BIRC6: variants seen among roughly 807,000 people sequenced by gnomAD.
BIRC6 encodes dual E2 ubiquitin-conjugating enzyme/E3 ubiquitin-protein ligase BIRC6.
In BIRC6, 98 loss-of-function variants were observed where a neutral mutation model predicts 503.3. The ratio of observed to expected loss-of-function variants is 0.19; its 90% confidence interval spans 0.17 to 0.23. The LOEUF (loss-of-function observed/expected upper bound fraction) is 0.23, where lower values mean the gene tolerates loss of function less well. Ranked by LOEUF, BIRC6 falls within the 10% of genes least tolerant of loss-of-function variation. BIRC6 has a pLI of 1.00. For synonymous variants in BIRC6, 2,240 were observed against 2,078.7 expected (o/e 1.08, Z -2.11); for missense variants, 5,360 against 5,806.0 (o/e 0.92, Z 2.50).
intron 65 of BIRC6, among the ~76,000 whole-genome samples, chr2:32,552,171 T>A (rs575281026): frequency 6.6e-6 from 1 of 152,324 alleles, no homozygotes; most frequent in East Asian, 1.9e-4. Flanking sequence ...TGGTTTCTTA[T>A]TACTGTCCCA....
chr2:32,367,064 G>T (rs1008828232), intron 1 of BIRC6, among the ~76,000 whole-genome samples: 2 of 152,124 alleles, frequency 1.3e-5, no homozygotes, highest in African/African-American at 4.8e-5. Context: ...GATAAACTTG[G>T]GTGTAGAAGA....
Position 32,415,380 on chromosome 2 carries a change from A to C in BIRC6, c.2089A>C (p.Asn697His). The C allele has an allele frequency of 6.2e-7, 1 of 1,614,034 alleles. No homozygotes were observed. Among genetic ancestry groups the C allele is most frequent in the Non-Finnish European group, 8.5e-7 (1 of 1,179,894 alleles). ...TCAGCAATTTGCAGATGCAGCAGCC[A>C]ACCTTACCTCTCCGGATTCTGAGAA... is the stretch of plus-strand genomic sequence containing the variant. ...YIQQFADAAA[N>H]LTSPDSEKWN... The change falls in exon 10 of 74, where the codon AAC becomes CAC. Residue 697 changes from asparagine (N) to histidine (H), a missense_variant. Asn to His is a moderately conservative substitution (Grantham distance 68). This residue lies in a region of BIRC6 where 700 missense variants were observed against 739.3 expected (regional missense o/e 0.95). Coordinates refer to ENST00000421745, the MANE Select transcript of BIRC6 (RefSeq NM_016252.4).
chr2:32,380,108 G>A, intron 2 of BIRC6, 45 bp from the exon 3 acceptor site: 1 of 1,334,004 alleles, frequency 7.5e-7, no homozygotes, highest in African/African-American at 1.5e-5. Context: ...TGTTGTTCTT[G>A]TGTTGAATTT....
chr2:32,358,554 T>C (rs2033556761), intron 1 of BIRC6, among the ~76,000 whole-genome samples: 1 of 152,250 alleles, frequency 6.6e-6, no homozygotes. Context: ...TGCATAGAGA[T>C]GTAATGTATA....
intron 10 of BIRC6, among the ~76,000 whole-genome samples, chr2:32,425,729 C>T (rs2043415791): frequency 6.6e-6 from 1 of 152,210 alleles, no homozygotes; most frequent in South Asian, 2.1e-4. Flanking sequence ...CCCCTTAAAT[C>T]TTCTGGTGGC....
At chr2:32,486,134 A>G (rs2050964394) in intron 40 of BIRC6, among the ~76,000 whole-genome samples, 1 of 152,224 alleles carries the variant, frequency 6.6e-6, no homozygotes, top group Admixed American at 6.5e-5. Context: ...CATCTTTATC[A>G]TCCTTAAAGA....
chr2:32,427,473 A>G (rs2043647080), intron 10 of BIRC6, among the ~76,000 whole-genome samples: 1 of 151,948 alleles, frequency 6.6e-6, no homozygotes, highest in Admixed American at 6.5e-5. Context: ...TTTAGTAGAG[A>G]TGGGGTTTCA....
At chr2:32,462,621 A>G (rs959851030) in intron 23 of BIRC6, among the ~76,000 whole-genome samples, 7 of 152,158 alleles carry the variant, frequency 4.6e-5, no homozygotes, top group African/African-American at 1.7e-4. Context: ...GATTACTTTC[A>G]TTTTTAATGA....
chr2:32,384,736 T>C (rs2038192608), intron 3 of BIRC6, among the ~76,000 whole-genome samples: 1 of 152,206 alleles, frequency 6.6e-6, no homozygotes. Flanking sequence ...TTTTTGGGCC[T>C]GTGCATAGCC....
chr2:32,464,485 A>G, intron 24 of BIRC6, 24 bp from the exon 25 acceptor site: 4 of 1,542,248 alleles, frequency 2.6e-6, no homozygotes, highest in Non-Finnish European at 3.5e-6. Context: ...TAGTCTATAT[A>G]TGTTGCTTTT....
rs1280089309 is a variant in BIRC6 at position 32,471,113 on chromosome 2, A to T, written c.6581A>T (p.Lys2194Ile). 3.8e-6 allele frequency: 6 copies of T among 1,569,816 alleles called. No homozygotes were observed. The highest frequency in any genetic ancestry group is 8.7e-7 in the Non-Finnish European group (1 of 1,155,380). The stretch of plus-strand genomic sequence containing the variant: ...GAAGATGAAGCAGCAGCTGCAAAGA[A>T]ACCTTTGAATGGTAAAGACAGGGAG... ...TVEDEAAAAK[K>I]PLNGNQWSFI... is the part of the protein sequence containing the mutation. The change falls in exon 32 of 74, where the codon AAA becomes ATA. Residue 2194 changes from lysine (K) to isoleucine (I), a missense_variant. Around this residue, in one of 16 missense-constraint regions of BIRC6, gnomAD observed 2,299 missense variants for 2,267.2 expected, o/e 1.01. Coordinates refer to ENST00000421745, the MANE Select transcript of BIRC6 (RefSeq NM_016252.4).
intron 65 of BIRC6, among the ~76,000 whole-genome samples, chr2:32,555,825 C>T (rs184471263): frequency 8.5e-4 from 123 of 145,354 alleles, no homozygotes; most frequent in Non-Finnish European, 3.4e-4. Context: ...CCCAACTACT[C>T]GGGAAGTGGG....
chr2:32,416,964 T>C (rs779670419), intron 10 of BIRC6, among the ~76,000 whole-genome samples: 4 of 151,804 alleles, frequency 2.6e-5, no homozygotes, highest in Non-Finnish European at 5.9e-5. Context: ...GCCTCCCAAG[T>C]AGCTGGGATT....
rs1553425826 is a variant in BIRC6 at position 32,436,051 on chromosome 2, A to T, written c.3500-2A>T. 7.2e-7 allele frequency: 1 copy of T among 1,384,296 alleles called. No individual in the cohort carries two copies. The highest frequency in any genetic ancestry group is 1.5e-5 in the African/African-American group (1 of 68,444). 85.8% of individuals were successfully genotyped at this position (1,384,296 alleles called of 1,614,324 possible). A position where few individuals can be genotyped will look rare whatever the true frequency, so the allele number is the denominator to read the frequency against. ...AAGAAAAATATGTATTTTTCTTTTTAGGTCTTAGATTATGTCCATTTTTGG... is the reference window on the plus strand; with the variant it reads ...AAGAAAAATATGTATTTTTCTTTTTTGGTCTTAGATTATGTCCATTTTTGG... On this transcript the variant is annotated splice_acceptor_variant, in intron 14 of 73. Coordinates refer to ENST00000421745, the MANE Select transcript of BIRC6 (RefSeq NM_016252.4). LOFTEE classifies it high-confidence loss of function.
intron 10 of BIRC6, 39 bp from the exon 11 acceptor site, chr2:32,429,107 C>G: frequency 6.6e-7 from 1 of 1,509,650 alleles, no homozygotes; most frequent in African/African-American, 1.4e-5. Flanking sequence ...TGAATGTTTA[C>G]CTATTTTTCA....
chr2:32,562,166 G>T (rs1180111726), intron 65 of BIRC6, among the ~76,000 whole-genome samples: 1 of 152,114 alleles, frequency 6.6e-6, no homozygotes, highest in African/African-American at 2.4e-5. Flanking sequence ...TAGCATGCTA[G>T]ACTGTCTTCA....
In BIRC6 at chr2:32,380,237, G is replaced by C; in HGVS notation, c.592G>C (p.Asp198His). The change falls in exon 3 of 74, where the codon GAT (aspartate) becomes CAT (histidine). Residue 198 changes from aspartate (D) to histidine (H), a missense_variant. Physicochemically the swap from Asp to His is moderately conservative, Grantham distance 81 (BLOSUM62 -1). This residue lies in a region of BIRC6 where 134 missense variants were observed against 150.9 expected (regional missense o/e 0.89). Transcript: ENST00000421745. ...TGATTTGTTCATCACACAGCTCAAA[G>C]ATGGTTTAAAAAATACATCTCATGA... ...GYDLFITQLKDGLKNTSHETA... is the reference protein window; with the variant it reads ...GYDLFITQLKHGLKNTSHETA... 6.2e-7 allele frequency: 1 copy of C among 1,609,870 alleles called. No homozygotes were observed. Among genetic ancestry groups the C allele is most frequent in the South Asian group, 1.1e-5 (1 of 90,026 alleles).
intron 67 of BIRC6, among the ~76,000 whole-genome samples, chr2:32,594,741 T>C (rs2061577934): frequency 6.6e-6 from 1 of 151,770 alleles, no homozygotes; most frequent in Admixed American, 6.6e-5. Flanking sequence ...GACGGATGGA[T>C]AGATATTTTC....
At chr2:32,362,462 C>G (rs1194720455) in intron 1 of BIRC6, among the ~76,000 whole-genome samples, 1 of 151,624 alleles carries the variant, frequency 6.6e-6, no homozygotes, top group African/African-American at 2.4e-5. Flanking sequence ...ACTACAGGTG[C>G]CCCCCACCAG....
Sources: allele counts gnomAD v4.1 joint callset (sites outside exome capture counted in the v4.1 genomes callset), GRCh38; gene constraint gnomAD v4.1.1; regional missense constraint gnomAD v4.1.1; transcripts MANE v1.5; gene names NCBI Gene and HGNC (gene_info 2026-07-23, HGNC 2026-07-21).